The following GALNT13 variants were observed in gnomAD, a reference collection of about 807,000 sequenced individuals.
The protein encoded by GALNT13 is polypeptide N-acetylgalactosaminyltransferase 13.
A neutral mutation model predicts 64.2 loss-of-function variants in GALNT13; 28 were observed. The observed-to-expected ratio is 0.44, with a 90% CI of 0.32 to 0.60. GALNT13 has a LOEUF of 0.60. Among genes scored for constraint, GALNT13 ranks in the 20% least tolerant of loss-of-function variants. The pLI is 0.05. For missense variants in GALNT13, 577 were observed against 669.8 expected (o/e 0.86, Z 1.53); for synonymous variants, 214 against 224.6 (o/e 0.95, Z 0.42).
chr2:153,819,905 C>G, the GALNT13 span, among the ~76,000 whole-genome samples: 1 of 152,090 alleles, frequency 6.6e-6, no homozygotes, highest in African/African-American at 2.4e-5. Context: ...GCAGTGGGTC[C>G]TAATCAAAAT....
chr2:154,186,406 C>T (rs930994956), intron 4 of GALNT13, among the ~76,000 whole-genome samples: 2 of 152,002 alleles, frequency 1.3e-5, no homozygotes, highest in Admixed American at 6.6e-5. Context: ...GCATGCTCTC[C>T]GTTTCATCTC....
the GALNT13 span, among the ~76,000 whole-genome samples, chr2:153,353,357 CTT>C: frequency 6.6e-6 from 1 of 152,100 alleles, no homozygotes; most frequent in Admixed American, 6.5e-5. Context: ...TTTGTCAACT[CTT>C]TCATATTTCC....
At chr2:153,345,635 T>TTCTTTC in the GALNT13 span, among the ~76,000 whole-genome samples, 107 of 68,848 alleles carry the variant, frequency 1.6e-3, no homozygotes, top group Non-Finnish European at 2.1e-3. Flanking sequence ...TTTCCTTTCT[T>TTCTTTC]TTTCTTTCTT....
chr2:153,520,779 T>C, the GALNT13 span, among the ~76,000 whole-genome samples: 3 of 152,196 alleles, frequency 2.0e-5, no homozygotes, highest in Non-Finnish European at 4.4e-5. Context: ...TGGTACATTA[T>C]TATCTTCATA....
chr2:153,835,006 C>T, the GALNT13 span, among the ~76,000 whole-genome samples: 1 of 151,974 alleles, frequency 6.6e-6, no homozygotes, highest in South Asian at 2.1e-4. Context: ...AGAAAAGACA[C>T]GCGAAGAAAA....
intron 3 of GALNT13, among the ~76,000 whole-genome samples, chr2:154,064,151 G>A (rs1321787806): frequency 6.6e-6 from 1 of 152,126 alleles, no homozygotes; most frequent in Non-Finnish European, 1.5e-5. Flanking sequence ...AAAACTTGTA[G>A]AACTTAGCCG....
the GALNT13 span, among the ~76,000 whole-genome samples, chr2:153,727,673 C>T: frequency 6.6e-6 from 1 of 152,134 alleles, no homozygotes; most frequent in Non-Finnish European, 1.5e-5. Flanking sequence ...ATAAAACAAT[C>T]ACCTGTGATT....
chr2:154,256,252 T>TA (rs1690366375), intron 7 of GALNT13, among the ~76,000 whole-genome samples: 4 of 146,110 alleles, frequency 2.7e-5, no homozygotes, highest in Non-Finnish European at 1.5e-5. Context: ...GCACCAAAAT[T>TA]TAAAAAAAAA....
At chr2:153,553,019 T>A in the GALNT13 span, among the ~76,000 whole-genome samples, 1 of 152,178 alleles carries the variant, frequency 6.6e-6, no homozygotes, top group Non-Finnish European at 1.5e-5. Context: ...GGTATCAGTA[T>A]GTGGCTGGTG....
At chr2:154,310,340 C>T (rs932337147) in intron 9 of GALNT13, among the ~76,000 whole-genome samples, 3 of 152,080 alleles carry the variant, frequency 2.0e-5, no homozygotes, top group Admixed American at 6.6e-5. Flanking sequence ...TTATAACCTA[C>T]GTCAGAGGCA....
At chr2:153,617,633 A>G in the GALNT13 span, among the ~76,000 whole-genome samples, 1 of 151,838 alleles carries the variant, frequency 6.6e-6, no homozygotes, top group Non-Finnish European at 1.5e-5. Flanking sequence ...TAGGATAGCT[A>G]TTAGTTTTTT....
intron 7 of GALNT13, among the ~76,000 whole-genome samples, chr2:154,247,788 T>C (rs545775443): frequency 1.3e-3 from 196 of 152,206 alleles, no homozygotes; most frequent in Middle Eastern, 0.01. Flanking sequence ...CACATCATTT[T>C]ATTTTCTAAC....
At chr2:153,518,417 G>A in the GALNT13 span, among the ~76,000 whole-genome samples, 2 of 152,120 alleles carry the variant, frequency 1.3e-5, no homozygotes, top group Non-Finnish European at 2.9e-5. Flanking sequence ...TTATAAAAAT[G>A]AGAATGAATA....
intron 8 of GALNT13, among the ~76,000 whole-genome samples, chr2:154,290,981 G>A (rs1692586854): frequency 6.6e-6 from 1 of 152,038 alleles, no homozygotes; most frequent in Non-Finnish European, 1.5e-5. Context: ...TGAAGCTACA[G>A]ACCTTCTCGG....
chr2:153,904,892 C>A (rs886094710), intron 2 of GALNT13, among the ~76,000 whole-genome samples: 3 of 151,750 alleles, frequency 2.0e-5, no homozygotes, highest in Admixed American at 6.6e-5. Flanking sequence ...GTTATAGAAT[C>A]ATACTGGACA....
chr2:153,704,371 C>T, the GALNT13 span, among the ~76,000 whole-genome samples: 3 of 152,162 alleles, frequency 2.0e-5, 1 homozygote, highest in Non-Finnish European at 1.5e-5. Flanking sequence ...AGCATGGCTA[C>T]ATTATTTGAG....
At chr2:154,445,688 C>T in intron 12 of GALNT13, 3 of 485,908 alleles carry the variant, frequency 6.2e-6, no homozygotes, top group South Asian at 4.7e-5. Flanking sequence ...AAGATAAATC[C>T]TTGAAAACAT....
At chr2:154,272,730 G>C (rs965928935) in intron 8 of GALNT13, among the ~76,000 whole-genome samples, 1 of 151,980 alleles carries the variant, frequency 6.6e-6, no homozygotes, top group Non-Finnish European at 1.5e-5. Flanking sequence ...TTATCCTGCT[G>C]ATTTACATTT....
chr2:153,114,995 TA>T, the GALNT13 span, among the ~76,000 whole-genome samples: 1 of 151,892 alleles, frequency 6.6e-6, no homozygotes, highest in Non-Finnish European at 1.5e-5. Context: ...CTTTGTAAGA[TA>T]GGGGCAATAA....
Sources: allele counts gnomAD v4.1 joint callset (sites outside exome capture counted in the v4.1 genomes callset), GRCh38; gene constraint gnomAD v4.1.1; transcripts MANE v1.5; gene names NCBI Gene and HGNC (gene_info 2026-07-23, HGNC 2026-07-21).